Variants in IGF1R observed in about 807,000 individuals in gnomAD.
IGF1R encodes the protein insulin like growth factor 1 receptor, also known as insulin-like growth factor 1 receptor.
A neutral mutation model predicts 144.6 loss-of-function variants in IGF1R; 44 were observed. The ratio of observed to expected loss-of-function variants is 0.30; its 90% CI spans 0.24 to 0.39. IGF1R has a LOEUF of 0.39. Ranked by LOEUF, IGF1R falls within the 10% of genes least tolerant of loss-of-function variation. The pLI, the probability that IGF1R is intolerant of heterozygous loss-of-function variation, is 1.00. For missense variants in IGF1R, 1,355 were observed against 1,833.7 expected (o/e 0.74, Z 4.77); for synonymous variants, 795 against 722.8 (o/e 1.10, Z -1.60).
chr15:98,765,285 T>C (rs2055407367), intron 2 of IGF1R, among the ~76,000 whole-genome samples: 1 of 146,362 alleles, frequency 6.8e-6, no homozygotes, highest in African/African-American at 2.5e-5. Flanking sequence ...TCTCTCTCTC[T>C]CACCCAATGA....
intron 2 of IGF1R, among the ~76,000 whole-genome samples, chr15:98,871,655 A>G (rs139171927): frequency 6.6e-6 from 1 of 152,360 alleles, no homozygotes; most frequent in African/African-American, 2.4e-5. Context: ...TACATCTCAC[A>G]TGGCAGCAGC....
chr15:98,677,782 G>C (rs939526493), intron 1 of IGF1R, among the ~76,000 whole-genome samples: 3 of 152,334 alleles, frequency 2.0e-5, no homozygotes, highest in African/African-American at 7.2e-5. Context: ...TCAGCCAGTA[G>C]GCCCTGCTTC....
chr15:98,649,901 C>A (rs1262144036), intron 1 of IGF1R, among the ~76,000 whole-genome samples: 1 of 152,154 alleles, frequency 6.6e-6, no homozygotes, highest in Non-Finnish European at 1.5e-5. Context: ...CGCATCCCCG[C>A]GCGGGAAGGG....
rs561337211 is a variant in IGF1R at position 98,955,234 on chromosome 15, C to G, written c.3723-1827C>G. ...ACATGGCATTCTACCGTGGGGTAGA[C>G]TTTTAAAATTCTGGCTACAGAGATA... On this transcript the variant is annotated intron_variant, in intron 20 of 20. Coordinates refer to ENST00000650285, the MANE Select transcript of IGF1R (RefSeq NM_000875.5). 9.3e-4 allele frequency among the ~76,000 whole-genome samples: 142 copies of G among 152,330 alleles called. 1 individual carries two copies. Among genetic ancestry groups the G allele is most frequent in the African/African-American group, 3.4e-3 (140 of 41,576 alleles).
chr15:98,711,420 C>T (rs1365921668), intron 2 of IGF1R, among the ~76,000 whole-genome samples: 1 of 152,116 alleles, frequency 6.6e-6, no homozygotes. Flanking sequence ...CCTTCTGTGC[C>T]GTGACTCTGC....
At chr15:98,790,336 G>A (rs2056100320) in intron 2 of IGF1R, among the ~76,000 whole-genome samples, 1 of 152,172 alleles carries the variant, frequency 6.6e-6, no homozygotes, top group Non-Finnish European at 1.5e-5. Context: ...GGATAGTTTT[G>A]TCCTCCCTCT....
At chr15:98,810,326 C>A (rs1430859644) in intron 2 of IGF1R, among the ~76,000 whole-genome samples, 1 of 152,092 alleles carries the variant, frequency 6.6e-6, no homozygotes, top group East Asian at 1.9e-4. Context: ...AGCTAGCATT[C>A]ACATATTTTA....
chr15:98,718,452 C>T (rs2054172977), intron 2 of IGF1R, among the ~76,000 whole-genome samples: 2 of 152,196 alleles, frequency 1.3e-5, no homozygotes, highest in Admixed American at 6.5e-5. Context: ...GGTTGCCGTT[C>T]CTGGGGTTAA....
chr15:98,881,682 G>A (rs1212334575), intron 2 of IGF1R, among the ~76,000 whole-genome samples: 1 of 152,170 alleles, frequency 6.6e-6, no homozygotes, highest in Non-Finnish European at 1.5e-5. Flanking sequence ...AAACACGGTG[G>A]GGGAAGAGGC....
At chr15:98,885,338 G>A (rs1180651870) in intron 2 of IGF1R, among the ~76,000 whole-genome samples, 2 of 152,166 alleles carry the variant, frequency 1.3e-5, no homozygotes, top group Admixed American at 1.3e-4. Flanking sequence ...ACTTCTGTTC[G>A]GCCTGGGGCA....
At position 98,779,188 on chromosome 15, in the gene IGF1R, CAG is replaced by C. The variant is rs2055793607; in HGVS notation, c.640+71084_640+71085del. Among the ~76,000 whole-genome samples the C allele has an allele frequency of 2.0e-5, 3 of 152,168 alleles. No homozygotes were observed. The South Asian group carries it at 6.2e-4, about 32-fold the overall frequency. On this transcript the variant is annotated intron_variant, in intron 2 of 20. Coordinates refer to ENST00000650285, the MANE Select transcript of IGF1R (RefSeq NM_000875.5). ...AGGTCGGTGTATTTTGGCTGTGCCACAGAGTTCTGGAAATTCCCAAGAGAATA... is the reference window on the plus strand; with the variant it reads ...AGGTCGGTGTATTTTGGCTGTGCCACAGTTCTGGAAATTCCCAAGAGAATA...
intron 11 of IGF1R, among the ~76,000 whole-genome samples, chr15:98,922,821 G>C (rs1324771859): frequency 6.6e-6 from 1 of 152,254 alleles, no homozygotes; most frequent in Non-Finnish European, 1.5e-5. Context: ...CCTTGATCCA[G>C]AGTAAACATT....
intron 2 of IGF1R, among the ~76,000 whole-genome samples, chr15:98,854,733 T>C (rs944327517): frequency 1.1e-4 from 17 of 152,230 alleles, no homozygotes; most frequent in East Asian, 7.7e-4. Context: ...TTCAGATAAG[T>C]CGGGGGAATA....
chr15:98,904,049 A>ATTTTT (rs35759630), intron 5 of IGF1R, among the ~76,000 whole-genome samples: 1 of 103,792 alleles, frequency 9.6e-6, no homozygotes, highest in Non-Finnish European at 1.9e-5. Flanking sequence ...TGATGGGTGA[A>ATTTTT]TTTTTTTTTT....
chr15:98,691,837 A>G (rs2053484766), intron 1 of IGF1R, among the ~76,000 whole-genome samples: 1 of 152,150 alleles, frequency 6.6e-6, no homozygotes, highest in Non-Finnish European at 1.5e-5. Flanking sequence ...CCCCACTGAC[A>G]TGAGGGTTGG....
chr15:98,933,447 G>A (rs1019211939), intron 15 of IGF1R, among the ~76,000 whole-genome samples: 7 of 151,940 alleles, frequency 4.6e-5, no homozygotes, highest in East Asian at 1.9e-4. Context: ...GGGCTCAGGC[G>A]ATTCTCCTGC....
rs542660545 is a variant in IGF1R, at chr15:98,668,203, T to C, written c.94+18528T>C. ...AGGGCATTGTTGCCATTATGGGGGCTCTACCCTCAGGACCTCATCTAAACC... is the reference window on the plus strand; with the variant it reads ...AGGGCATTGTTGCCATTATGGGGGCCCTACCCTCAGGACCTCATCTAAACC... On this transcript the variant is annotated intron_variant, in intron 1 of 20. Coordinates refer to ENST00000650285, the MANE Select transcript of IGF1R (RefSeq NM_000875.5). 2.6e-5 allele frequency among the ~76,000 whole-genome samples: 4 copies of C among 152,262 alleles called. No individual in the cohort carries two copies. The South Asian group carries it at 8.3e-4, about 32-fold the overall frequency.
At chr15:98,850,823 G>A (rs1354314574) in intron 2 of IGF1R, among the ~76,000 whole-genome samples, 1 of 152,128 alleles carries the variant, frequency 6.6e-6, no homozygotes, top group Non-Finnish European at 1.5e-5. Context: ...AAGCAGGTGT[G>A]AGTGTTGGAC....
Position 98,916,832 on chromosome 15 carries a change from CAA to C in IGF1R, c.2159_2160del (p.Lys720SerfsTer3). ...QAEKEEAEYRKVFENFLHNSI... is the reference protein window; with the variant it reads ...QAEKEEAEYRXVFENFLHNSI... ...CCGAGAAGGAGGAGGCTGAATACCG[CAA>C]AGTCTTTGAGAATTTCCTGCACAAC... On this transcript the variant is annotated frameshift_variant, in exon 10 of 21. Coordinates refer to ENST00000650285, the MANE Select transcript of IGF1R (RefSeq NM_000875.5). LOFTEE classifies it high-confidence loss of function. 1 of 1,614,096 alleles carries C rather than the reference CAA, an allele frequency of 6.2e-7. No individual in the cohort carries two copies. Among genetic ancestry groups the C allele is most frequent in the African/African-American group, 1.3e-5 (1 of 75,024 alleles).
Sources: gnomAD v4.1 joint callset for allele counts (sites outside exome capture counted in the v4.1 genomes callset) on GRCh38, gnomAD v4.1.1 for gene constraint, MANE v1.5 for transcripts, NCBI Gene and HGNC (gene_info 2026-07-23, HGNC 2026-07-21) for gene names.